Variants in SYT1 observed in about 807,000 individuals in gnomAD.
SYT1 encodes synaptotagmin-1.
A neutral mutation model predicts 44.8 loss-of-function variants in SYT1; 8 were observed. The ratio of observed to expected loss-of-function variants is 0.18; its 90% CI spans 0.10 to 0.32. The LOEUF (loss-of-function observed/expected upper bound fraction) is 0.32. Among genes scored for constraint, SYT1 ranks in the 10% least tolerant of loss-of-function variants. The pLI is 1.00. For missense variants in SYT1, 286 were observed against 509.3 expected (o/e 0.56, Z 4.22); for synonymous variants, 154 against 188.8 (o/e 0.82, Z 1.51).
intron 9 of SYT1, among the ~76,000 whole-genome samples, chr12:79,435,495 GTCTA>G (rs752097560): frequency 5.1e-4 from 77 of 152,134 alleles, no homozygotes; most frequent in Admixed American, 2.4e-3. Context: ...TTACGTCTCT[GTCTA>G]TCTACCTCAT....
At chr12:79,181,027 T>G (rs1039937779) in intron 3 of SYT1, among the ~76,000 whole-genome samples, 1 of 152,078 alleles carries the variant, frequency 6.6e-6, no homozygotes, top group South Asian at 2.1e-4. Flanking sequence ...TGCCGCCACA[T>G]GAAGAAGGAC....
At chr12:79,102,818 G>T (rs757530134) in intron 3 of SYT1, among the ~76,000 whole-genome samples, 2 of 152,090 alleles carry the variant, frequency 1.3e-5, no homozygotes, top group Non-Finnish European at 2.9e-5. Context: ...ATTTTAAGTA[G>T]GTGGTCATTT....
rs916690679 is a variant in SYT1 at position 79,315,753 on chromosome 12, T to G, written c.810+16202T>G. Among the ~76,000 whole-genome samples the G allele has an allele frequency of 3.3e-5, 5 of 152,278 alleles. No individual in the cohort carries two copies. In the South Asian group the frequency reaches 6.2e-4, roughly 19 times the overall value. On this transcript the variant is annotated intron_variant, in intron 8 of 10. Transcript: ENST00000261205. ...ATATAAGGGCAGTACTAAGGTTCAC[T>G]TTTTAGAGATGAGGAACCCAGGCCT...
chr12:79,229,877 G>A (rs1468222469), intron 4 of SYT1, among the ~76,000 whole-genome samples: 1 of 152,084 alleles, frequency 6.6e-6, no homozygotes, highest in Non-Finnish European at 1.5e-5. Flanking sequence ...TTACAGGCGT[G>A]AGCCACCACG....
intron 1 of SYT1, among the ~76,000 whole-genome samples, chr12:78,874,692 T>G (rs1384739861): frequency 2.6e-5 from 4 of 151,764 alleles, no homozygotes; most frequent in Non-Finnish European, 5.9e-5. Context: ...ACCATAAAGT[T>G]CATGAATATT....
intron 3 of SYT1, among the ~76,000 whole-genome samples, chr12:79,091,398 CAAAA>C (rs1285211974): frequency 6.6e-6 from 1 of 151,856 alleles, no homozygotes; most frequent in Non-Finnish European, 1.5e-5. Context: ...TCTAAAGAAA[CAAAA>C]GAAAGACAAA....
At chr12:78,965,162 A>T (rs1266573092) in intron 1 of SYT1, among the ~76,000 whole-genome samples, 1 of 152,084 alleles carries the variant, frequency 6.6e-6, no homozygotes, top group Non-Finnish European at 1.5e-5. Flanking sequence ...ATCTTCCTCT[A>T]TTTGTTAGTT....
chr12:79,202,296 C>T (rs565503509), intron 3 of SYT1, among the ~76,000 whole-genome samples: 1 of 152,138 alleles, frequency 6.6e-6, no homozygotes, highest in Non-Finnish European at 1.5e-5. Flanking sequence ...ATTACAGTTA[C>T]TTACTTCACA....
chr12:78,872,502 G>C (rs143070505), intron 1 of SYT1, among the ~76,000 whole-genome samples: 18 of 151,944 alleles, frequency 1.2e-4, no homozygotes, highest in African/African-American at 3.4e-4. Context: ...GAATAGGAAA[G>C]ATTTGTTCAG....
intron 3 of SYT1, among the ~76,000 whole-genome samples, chr12:79,143,571 T>C (rs1473890263): frequency 6.6e-6 from 1 of 152,254 alleles, no homozygotes; most frequent in African/African-American, 2.4e-5. Flanking sequence ...TTGACACTGC[T>C]GCAGATTTAG....
chr12:79,369,753 G>T (rs1051178626), intron 9 of SYT1, among the ~76,000 whole-genome samples: 2 of 151,678 alleles, frequency 1.3e-5, no homozygotes, highest in African/African-American at 4.8e-5. Flanking sequence ...AAATTGACTT[G>T]GCCTCATACT....
At chr12:78,941,362 G>A (rs548644153) in intron 1 of SYT1, among the ~76,000 whole-genome samples, 5 of 150,410 alleles carry the variant, frequency 3.3e-5, no homozygotes, top group East Asian at 2.0e-4. Flanking sequence ...GTGAGTCACC[G>A]CACCCAGCCT....
At chr12:78,877,657 G>A (rs1031995921) in intron 1 of SYT1, among the ~76,000 whole-genome samples, 3 of 140,882 alleles carry the variant, frequency 2.1e-5, no homozygotes, top group Non-Finnish European at 4.7e-5. Flanking sequence ...ATCTAACAAT[G>A]TATAACAGCC....
chr12:79,143,238 A>T (rs1460472347), intron 3 of SYT1, among the ~76,000 whole-genome samples: 1 of 152,186 alleles, frequency 6.6e-6, no homozygotes, highest in African/African-American at 2.4e-5. Context: ...CACACATAAC[A>T]TCCAACCCAG....
chr12:79,056,942 T>C (rs1299114862), intron 3 of SYT1, among the ~76,000 whole-genome samples: 1 of 152,030 alleles, frequency 6.6e-6, no homozygotes, highest in Non-Finnish European at 1.5e-5. Flanking sequence ...GTCATTCTTT[T>C]GCAAACACCA....
chr12:79,157,413 C>T (rs1461889609), intron 3 of SYT1, among the ~76,000 whole-genome samples: 5 of 152,172 alleles, frequency 3.3e-5, no homozygotes, highest in Admixed American at 6.6e-5. Context: ...CAACCTCCAT[C>T]CCGTCGCTAT....
intron 1 of SYT1, among the ~76,000 whole-genome samples, chr12:78,972,126 GAA>G (rs897141371): frequency 2.0e-5 from 3 of 152,038 alleles, no homozygotes; most frequent in African/African-American, 7.2e-5. Flanking sequence ...CGGTGTAGGT[GAA>G]AGTCTCGCTC....
intron 9 of SYT1, among the ~76,000 whole-genome samples, chr12:79,437,452 A>G (rs1870155102): frequency 6.6e-6 from 1 of 152,196 alleles, no homozygotes; most frequent in Admixed American, 6.5e-5. Context: ...GGTTGGAATC[A>G]TGGCACAAGG....
chr12:79,036,984 C>T (rs1472044269), intron 2 of SYT1, among the ~76,000 whole-genome samples: 1 of 151,734 alleles, frequency 6.6e-6, no homozygotes, highest in African/African-American at 2.4e-5. Context: ...TAAATAGAGG[C>T]ATCAGAAATA....
Sources: gnomAD v4.1 joint callset for allele counts (sites outside exome capture counted in the v4.1 genomes callset) on GRCh38, gnomAD v4.1.1 for gene constraint, MANE v1.5 for transcripts, NCBI Gene and HGNC (gene_info 2026-07-23, HGNC 2026-07-21) for gene names.